TMEM117: variants seen among roughly 807,000 people sequenced by gnomAD.
TMEM117 encodes transmembrane protein 117.
TMEM117 carries 27 observed loss-of-function variants against 52.4 expected under a neutral mutation model. The observed-to-expected ratio is 0.51, with a 90% confidence interval of 0.38 to 0.71. The LOEUF is 0.71. Ranked by LOEUF, TMEM117 falls within the 30% of genes least tolerant of loss-of-function variation. TMEM117 has a pLI of 0.00. For synonymous variants in TMEM117, 215 were observed against 206.3 expected, an observed-to-expected ratio of 1.04 and a Z score of -0.36; for missense variants, 556 against 630.5, an observed-to-expected ratio of 0.88 and a Z score of 1.26.
the TMEM117 span, among the ~76,000 whole-genome samples, chr12:43,830,820 A>G: frequency 6.6e-6 from 1 of 152,196 alleles, no homozygotes. Flanking sequence ...ACCAAATGCT[A>G]AAAGTGTAAC....
chr12:43,917,859 A>G (rs1008688904), intron 2 of TMEM117, among the ~76,000 whole-genome samples: 1 of 152,104 alleles, frequency 6.6e-6, no homozygotes, highest in Non-Finnish European at 1.5e-5. Context: ...CCTCTTGCAC[A>G]GACTTGGGTT....
intron 4 of TMEM117, 49 bp downstream of exon 4, chr12:44,143,673 G>A (rs1043126957): frequency 7.3e-7 from 1 of 1,377,062 alleles, no homozygotes; most frequent in Non-Finnish European, 1.0e-6. Context: ...CGGAAGACAT[G>A]TTCACAGTGT....
intron 3 of TMEM117, among the ~76,000 whole-genome samples, chr12:43,967,169 C>T (rs1280596400): frequency 6.6e-6 from 1 of 151,812 alleles, no homozygotes; most frequent in African/African-American, 2.4e-5. Flanking sequence ...TTCTGTCACC[C>T]AGTTTGGAAT....
At chr12:44,387,540 C>A (rs1051218472) in intron 7 of TMEM117, among the ~76,000 whole-genome samples, 1 of 152,062 alleles carries the variant, frequency 6.6e-6, no homozygotes, top group African/African-American at 2.4e-5. Flanking sequence ...AGGTCACCTA[C>A]AAACAGCAAT....
intron 4 of TMEM117, among the ~76,000 whole-genome samples, 200 bp from the exon 5 acceptor site, chr12:44,211,090 G>A (rs1949639450): frequency 6.6e-6 from 1 of 152,064 alleles, no homozygotes; most frequent in East Asian, 1.9e-4. Context: ...CTTTAAATGT[G>A]CTCATTCTGT....
At chr12:43,845,737 C>T (rs1181843756) in intron 2 of TMEM117, among the ~76,000 whole-genome samples, 1 of 151,784 alleles carries the variant, frequency 6.6e-6, no homozygotes, top group Non-Finnish European at 1.5e-5. Flanking sequence ...GTTCCCCACC[C>T]TGTGTCCAAG....
At chr12:44,106,012 G>C (rs889988241) in intron 3 of TMEM117, among the ~76,000 whole-genome samples, 1 of 151,966 alleles carries the variant, frequency 6.6e-6, no homozygotes, top group South Asian at 2.1e-4. Flanking sequence ...TCCATACCGA[G>C]CCTCTAGCAA....
chr12:43,842,889 A>G (rs1943138510), intron 1 of TMEM117, among the ~76,000 whole-genome samples: 1 of 152,104 alleles, frequency 6.6e-6, no homozygotes, highest in Admixed American at 6.5e-5. Context: ...CTCTCTAGGC[A>G]AGGAAGGTGC....
Position 44,288,280 on chromosome 12 carries a change from AT to A in TMEM117, c.609-11295del, listed in dbSNP as rs1950661249. On this transcript the variant is annotated intron_variant, in intron 5 of 7. Coordinates refer to ENST00000266534, the MANE Select transcript of TMEM117 (RefSeq NM_032256.3). Reference sequence around the variant, plus strand: ...CTGTTTTCCATTCTCTTGAGATTTTATTTTTAGGTCTTTTTCTCTGAGCTGT... The same window carrying A: ...CTGTTTTCCATTCTCTTGAGATTTTATTTTAGGTCTTTTTCTCTGAGCTGT... 3.9e-5 allele frequency among the ~76,000 whole-genome samples: 6 copies of A among 152,200 alleles called. No individual in the cohort carries two copies. In the South Asian group the frequency reaches 1.2e-3, roughly 32 times the overall value.
intron 6 of TMEM117, among the ~76,000 whole-genome samples, chr12:44,350,999 C>T (rs939380549): frequency 1.3e-5 from 2 of 151,958 alleles, no homozygotes; most frequent in African/African-American, 4.8e-5. Flanking sequence ...CAAGGGTTCC[C>T]CTAGTCTCCA....
intron 3 of TMEM117, among the ~76,000 whole-genome samples, chr12:44,023,141 A>G (rs1194087027): frequency 6.6e-6 from 1 of 152,252 alleles, no homozygotes; most frequent in Admixed American, 6.5e-5. Context: ...ATGTCCCTAC[A>G]GAAGACATGA....
chr12:43,874,892 G>A (rs1007690786), intron 2 of TMEM117, among the ~76,000 whole-genome samples: 1 of 152,178 alleles, frequency 6.6e-6, no homozygotes, highest in Non-Finnish European at 1.5e-5. Context: ...TATCAAATTA[G>A]ATCCGCAGGG....
At chr12:43,896,493 A>G (rs1351394405) in intron 2 of TMEM117, among the ~76,000 whole-genome samples, 1 of 152,044 alleles carries the variant, frequency 6.6e-6, no homozygotes, top group Non-Finnish European at 1.5e-5. Flanking sequence ...TTTGTCTCCT[A>G]CTCTGCTGAC....
At chr12:44,312,817 G>T (rs1269804715) in intron 6 of TMEM117, among the ~76,000 whole-genome samples, 1 of 152,114 alleles carries the variant, frequency 6.6e-6, no homozygotes, top group East Asian at 1.9e-4. Context: ...ATGTGAGATG[G>T]TATCTCATTG....
At chr12:44,070,548 GCT>G (rs1462323137) in intron 3 of TMEM117, among the ~76,000 whole-genome samples, 1 of 152,100 alleles carries the variant, frequency 6.6e-6, no homozygotes, top group Non-Finnish European at 1.5e-5. Flanking sequence ...ATTTTACCAG[GCT>G]CTTCATGTAC....
intron 3 of TMEM117, among the ~76,000 whole-genome samples, chr12:43,948,357 G>GTGCAGTGGCATGATCTCGGCTCAC (rs1282206193): frequency 1.1e-4 from 17 of 151,648 alleles, no homozygotes; most frequent in African/African-American, 3.6e-4. Flanking sequence ...CCAGGCTGGA[G>GTGCAGTGGCATGATCTCGGCTCAC]TGCAGTGGCA....
intron 6 of TMEM117, among the ~76,000 whole-genome samples, chr12:44,335,533 G>C (rs1406280053): frequency 6.6e-6 from 1 of 151,990 alleles, no homozygotes; most frequent in Non-Finnish European, 1.5e-5. Context: ...GGGTCATCTA[G>C]TTAATTAATG....
Position 44,369,224 on chromosome 12 carries a change from C to T in TMEM117, c.769-7371C>T, listed in dbSNP as rs141889518. Among the ~76,000 whole-genome samples, 9 of 152,224 alleles carry T rather than the reference C, an allele frequency of 5.9e-5. No homozygotes were observed. The East Asian group carries it at 1.7e-3, about 29-fold the overall frequency. ...TTTGTCCTTCATCACATCAGTCTGC[C>T]AGGGCAAGATGTCTTTAAATGAGGC... On this transcript the variant is annotated intron_variant, in intron 6 of 7. Coordinates refer to ENST00000266534, the MANE Select transcript of TMEM117 (RefSeq NM_032256.3).
At chr12:44,117,575 G>A (rs185572651) in intron 3 of TMEM117, among the ~76,000 whole-genome samples, 21 of 152,228 alleles carry the variant, frequency 1.4e-4, no homozygotes, top group Non-Finnish European at 2.9e-4. Flanking sequence ...TGAGCAATAT[G>A]CAATAGCTTG....
Sources: allele counts gnomAD v4.1 joint callset (sites outside exome capture counted in the v4.1 genomes callset), GRCh38; gene constraint gnomAD v4.1.1; transcripts MANE v1.5; gene names NCBI Gene and HGNC (gene_info 2026-07-23, HGNC 2026-07-21).